The following TMTC2 variants were observed in gnomAD, a reference collection of about 807,000 sequenced individuals.
TMTC2 encodes the protein transmembrane O-mannosyltransferase targeting cadherins 2.
Under a neutral mutation model 82.4 loss-of-function variants are expected in TMTC2, and 43 were observed. The ratio of observed to expected loss-of-function variants is 0.52; its 90% CI spans 0.41 to 0.67. TMTC2 has a LOEUF of 0.67. TMTC2 is among the 30% of genes least tolerant of loss of function. The probability of loss-of-function intolerance (pLI) is 0.00; values close to 1 mark genes in which losing one functional copy is unlikely to be tolerated. For missense variants in TMTC2, 919 were observed against 1,012.4 expected (o/e 0.91, Z 1.25); for synonymous variants, 408 against 381.9 (o/e 1.07, Z -0.80).
At chr12:82,984,983 T>C (rs1186058407) in intron 7 of TMTC2, among the ~76,000 whole-genome samples, 1 of 151,438 alleles carries the variant, frequency 6.6e-6, no homozygotes, top group African/African-American at 2.4e-5. Context: ...TGTCATCTGT[T>C]TATTGGATTT....
chr12:82,697,205 A>G (rs1872849364), intron 1 of TMTC2, among the ~76,000 whole-genome samples: 1 of 151,768 alleles, frequency 6.6e-6, no homozygotes, highest in Non-Finnish European at 1.5e-5. Flanking sequence ...TTAACTGGGC[A>G]TGGTGATGCA....
chr12:82,767,965 T>A (rs1467592587), intron 1 of TMTC2, among the ~76,000 whole-genome samples: 1 of 152,178 alleles, frequency 6.6e-6, no homozygotes, highest in Non-Finnish European at 1.5e-5. Context: ...AGAATGTGCT[T>A]CCTGAAACAA....
At chr12:83,131,331 C>A (rs575509857) in intron 11 of TMTC2, among the ~76,000 whole-genome samples, 43 of 152,306 alleles carry the variant, frequency 2.8e-4, no homozygotes, top group African/African-American at 1.0e-3. Context: ...CTGTTGTTAA[C>A]TAATGTCTGA....
At chr12:82,909,981 C>T (rs536445152) in intron 3 of TMTC2, among the ~76,000 whole-genome samples, 2 of 152,040 alleles carry the variant, frequency 1.3e-5, no homozygotes, top group Non-Finnish European at 2.9e-5. Flanking sequence ...GGTATTTGAA[C>T]CCTCTAAAGC....
intron 11 of TMTC2, among the ~76,000 whole-genome samples, chr12:83,079,264 A>T (rs1159093800): frequency 6.6e-6 from 1 of 152,026 alleles, no homozygotes; most frequent in Non-Finnish European, 1.5e-5. Flanking sequence ...ACCTACACTC[A>T]TACTGCAGTT....
intron 2 of TMTC2, among the ~76,000 whole-genome samples, chr12:82,878,824 G>C (rs1872695050): frequency 6.6e-6 from 1 of 152,150 alleles, no homozygotes; most frequent in African/African-American, 2.4e-5. Context: ...GATCTCTTGA[G>C]CACAGGAGTT....
chr12:83,121,209 T>C (rs1884936634), intron 11 of TMTC2, among the ~76,000 whole-genome samples: 1 of 152,180 alleles, frequency 6.6e-6, no homozygotes, highest in Non-Finnish European at 1.5e-5. Context: ...TGTGATTTTT[T>C]GGGGTGTGTT....
chr12:82,790,647 G>T lies in TMTC2; in HGVS notation c.84-66363G>T, dbSNP rs530616417. Reference sequence around the variant, plus strand: ...AGTTCAAGACCAGCCTGGCCATGGTGAAACCCCGTCTCTACTAAAAATACA... The same window carrying T: ...AGTTCAAGACCAGCCTGGCCATGGTTAAACCCCGTCTCTACTAAAAATACA... On this transcript the variant is annotated intron_variant, in intron 1 of 11. Coordinates refer to ENST00000321196, the MANE Select transcript of TMTC2 (RefSeq NM_152588.3). Among the ~76,000 whole-genome samples, 7 of 151,772 alleles carry T rather than the reference G, an allele frequency of 4.6e-5. No homozygotes were observed. In the East Asian group the frequency reaches 1.4e-3, roughly 30 times the overall value.
rs1270806434 is a variant in TMTC2, at chr12:82,893,172, C to T, written c.655-2646C>T. 1.3e-5 allele frequency among the ~76,000 whole-genome samples: 2 copies of T among 151,892 alleles called. 1 individual carries two copies. On this transcript the variant is annotated intron_variant, in intron 2 of 11. Coordinates refer to ENST00000321196, the MANE Select transcript of TMTC2 (RefSeq NM_152588.3). ...GGATCACGAGGTCAAGAGATCAAGA[C>T]CATCCTGGCCAACATGGTGCAACCC...
Position 82,991,318 on chromosome 12 carries a change from G to T in TMTC2, c.2070+5272G>T, listed in dbSNP as rs373840781. Among the ~76,000 whole-genome samples the T allele has an allele frequency of 6.6e-5, 10 of 152,066 alleles. No individual in the cohort carries two copies. In the East Asian group the frequency reaches 1.9e-3, roughly 29 times the overall value. On this transcript the variant is annotated intron_variant, in intron 8 of 11. Coordinates refer to ENST00000321196, the MANE Select transcript of TMTC2 (RefSeq NM_152588.3). ...ACTTGACTACCTTGTTACTTAGTAA[G>T]TTACAAGTTATTTAGTTACTCAATA...
At chr12:82,904,690 C>T (rs1050004916) in intron 3 of TMTC2, among the ~76,000 whole-genome samples, 1 of 152,164 alleles carries the variant, frequency 6.6e-6, no homozygotes, top group African/African-American at 2.4e-5. Context: ...TTCCCCCGTT[C>T]GCCTTTAAAG....
intron 9 of TMTC2, among the ~76,000 whole-genome samples, chr12:83,034,479 G>A (rs1012562272): frequency 1.3e-5 from 2 of 152,164 alleles, no homozygotes; most frequent in Non-Finnish European, 2.9e-5. Flanking sequence ...ACTGAGATAA[G>A]GAGTTTTGCA....
intron 8 of TMTC2, among the ~76,000 whole-genome samples, chr12:83,001,991 T>C (rs1282162111): frequency 6.6e-6 from 1 of 152,238 alleles, no homozygotes; most frequent in Admixed American, 6.5e-5. Flanking sequence ...GATGCTGGCT[T>C]CATAGAATGA....
intron 4 of TMTC2, among the ~76,000 whole-genome samples, chr12:82,950,369 C>T (rs1877282579): frequency 6.6e-6 from 1 of 152,074 alleles, no homozygotes; most frequent in South Asian, 2.1e-4. Flanking sequence ...ATTATTTTGA[C>T]ATGTGGAAGA....
At chr12:82,838,602 C>T (rs1225269861) in intron 1 of TMTC2, among the ~76,000 whole-genome samples, 1 of 152,168 alleles carries the variant, frequency 6.6e-6, no homozygotes, top group Non-Finnish European at 1.5e-5. Flanking sequence ...AACTGTTGAT[C>T]TTTATATGTG....
intron 1 of TMTC2, among the ~76,000 whole-genome samples, chr12:82,775,097 A>G (rs1308503660): frequency 1.3e-5 from 2 of 152,066 alleles, no homozygotes; most frequent in Non-Finnish European, 2.9e-5. Flanking sequence ...TTTAACCACA[A>G]TGAAAAAAAT....
chr12:82,817,598 T>A (rs1027512209), intron 1 of TMTC2, among the ~76,000 whole-genome samples: 1 of 152,178 alleles, frequency 6.6e-6, no homozygotes, highest in African/African-American at 2.4e-5. Flanking sequence ...GTGCCTTGTT[T>A]GAATCATCTC....
chr12:83,037,419 C>T (rs1373408752), intron 9 of TMTC2, among the ~76,000 whole-genome samples: 1 of 152,006 alleles, frequency 6.6e-6, no homozygotes, highest in East Asian at 1.9e-4. Flanking sequence ...AATAATATTG[C>T]CTTAATTAAA....
chr12:82,877,295 C>T (rs1411418223), intron 2 of TMTC2, among the ~76,000 whole-genome samples: 1 of 152,138 alleles, frequency 6.6e-6, no homozygotes, highest in East Asian at 1.9e-4. Context: ...GATTTCTATG[C>T]GATTATATAG....
Sources: gnomAD v4.1 joint callset for allele counts (sites outside exome capture counted in the v4.1 genomes callset) on GRCh38, gnomAD v4.1.1 for gene constraint, MANE v1.5 for transcripts, NCBI Gene and HGNC (gene_info 2026-07-23, HGNC 2026-07-21) for gene names.